Variants in ZNF410 observed in about 807,000 individuals in gnomAD.
ZNF410 encodes the protein another partner for ARF 1.
ZNF410 carries 18 observed loss-of-function variants against 54.8 expected under a neutral mutation model. The ratio of observed to expected loss-of-function variants is 0.33; its 90% CI spans 0.23 to 0.49. The LOEUF is 0.49. Ranked by LOEUF, ZNF410 falls within the 20% of genes least tolerant of loss-of-function variation. The pLI is 0.99. For missense variants in ZNF410, 405 were observed against 569.6 expected, an observed-to-expected ratio of 0.71 and a Z score of 2.94; for synonymous variants, 191 against 207.3, an observed-to-expected ratio of 0.92 and a Z score of 0.68.
intron 4 of ZNF410, 29 bp downstream of exon 4, chr14:73,896,563 T>G (rs1330803527): frequency 6.3e-7 from 1 of 1,581,674 alleles, no homozygotes; most frequent in Non-Finnish European, 8.6e-7. Flanking sequence ...TGGGCTCTGC[T>G]TATGCCTAAG....
intron 5 of ZNF410, among the ~76,000 whole-genome samples, chr14:73,902,659 T>C (rs780025480): frequency 2.6e-5 from 4 of 152,186 alleles, no homozygotes; most frequent in Admixed American, 6.6e-5. Flanking sequence ...CTAAGGTATA[T>C]ATAGTGGAAA....
chr14:73,896,868 A>G (rs2055325552), intron 4 of ZNF410, among the ~76,000 whole-genome samples: 1 of 152,202 alleles, frequency 6.6e-6, no homozygotes. Flanking sequence ...AGTTAGAAAC[A>G]TGAATCCAGA....
intron 7 of ZNF410, among the ~76,000 whole-genome samples, chr14:73,906,740 A>G (rs1370216697): frequency 6.6e-6 from 1 of 152,116 alleles, no homozygotes; most frequent in Admixed American, 6.6e-5. Context: ...TGCCCTCCCA[A>G]AGTGCTGAGA....
intron 7 of ZNF410, among the ~76,000 whole-genome samples, chr14:73,908,756 CT>C (rs1225970619): frequency 6.6e-6 from 1 of 151,956 alleles, no homozygotes; most frequent in South Asian, 2.1e-4. Context: ...CAACGGAGCA[CT>C]TTTTTTTGTA....
intron 11 of ZNF410, chr14:73,924,683 C>CTT (rs71305806): frequency 2.2e-3 from 846 of 385,844 alleles, no homozygotes; most frequent in Admixed American, 6.8e-3. Flanking sequence ...CTTTTCTTTT[C>CTT]TTTTTTTTTT....
At chr14:73,908,201 C>T (rs1242772219) in intron 7 of ZNF410, among the ~76,000 whole-genome samples, 1 of 152,100 alleles carries the variant, frequency 6.6e-6, no homozygotes, top group Non-Finnish European at 1.5e-5. Flanking sequence ...GTCCGTTATC[C>T]CAGTGAAATA....
At chr14:73,920,044 A>G (rs2055733953) in intron 8 of ZNF410, 1 of 151,876 alleles carries the variant, frequency 6.6e-6, no homozygotes, top group Non-Finnish European at 1.5e-5. Flanking sequence ...AGTATTTCAC[A>G]TTTTGCTGCT....
intron 3 of ZNF410, 78 bp downstream of exon 3, chr14:73,894,010 T>C (rs931192668): frequency 6.6e-7 from 1 of 1,504,144 alleles, no homozygotes; most frequent in African/African-American, 1.4e-5. Flanking sequence ...GTGGAATGAA[T>C]ATATCGTTTA....
chr14:73,911,712 G>C (rs1232131108), intron 8 of ZNF410, among the ~76,000 whole-genome samples: 1 of 152,066 alleles, frequency 6.6e-6, no homozygotes, highest in Admixed American at 6.6e-5. Context: ...ACCAATCCAT[G>C]TTCAGTTTTT....
intron 11 of ZNF410, among the ~76,000 whole-genome samples, chr14:73,929,052 AGT>A (rs888929202): frequency 6.6e-6 from 1 of 152,208 alleles, no homozygotes; most frequent in Admixed American, 6.5e-5. Context: ...CAAAAGGGAA[AGT>A]GCTGTCCTGG....
At chr14:73,890,262 C>T (rs2055208325) in intron 1 of ZNF410, among the ~76,000 whole-genome samples, 1 of 151,722 alleles carries the variant, frequency 6.6e-6, no homozygotes, top group Admixed American at 6.6e-5. Context: ...AGTCTCAGCT[C>T]ACTGCAACCT....
intron 8 of ZNF410, chr14:73,909,729 C>G (rs978412465): frequency 4.2e-6 from 1 of 235,692 alleles, no homozygotes; most frequent in Non-Finnish European, 8.3e-6. Context: ...AACATGGACC[C>G]TCTTCTTTAG....
chr14:73,907,576 C>T (rs2055509657), intron 7 of ZNF410, among the ~76,000 whole-genome samples: 1 of 150,974 alleles, frequency 6.6e-6, no homozygotes, highest in Non-Finnish European at 1.5e-5. Context: ...TCCTAGGAGA[C>T]AGAGCGAGAC....
chr14:73,905,462 C>G (rs984878504), intron 7 of ZNF410: 1 of 162,910 alleles, frequency 6.1e-6, no homozygotes, highest in African/African-American at 2.4e-5. Context: ...CATACAGAAC[C>G]TGTTCTAGGC....
At chr14:73,902,941 C>A (rs887907757) in intron 5 of ZNF410, among the ~76,000 whole-genome samples, 4 of 151,394 alleles carry the variant, frequency 2.6e-5, no homozygotes, top group Admixed American at 6.6e-5. Flanking sequence ...TAAAAATCAT[C>A]TGAGTTTTTG....
At chr14:73,907,898 A>G (rs1016052924) in intron 7 of ZNF410, among the ~76,000 whole-genome samples, 5 of 152,152 alleles carry the variant, frequency 3.3e-5, no homozygotes, top group East Asian at 1.9e-4. Context: ...TGTCTTGAAA[A>G]AAAAAAAAAA....
intron 5 of ZNF410, among the ~76,000 whole-genome samples, chr14:73,902,796 T>C (rs1225371771): frequency 3.3e-5 from 5 of 152,206 alleles, no homozygotes; most frequent in Admixed American, 3.3e-4. Flanking sequence ...GGAATTTATA[T>C]AAAAATTTTT....
chr14:73,922,163 C>T lies in ZNF410; in HGVS notation c.1227C>T (p.Ser409=), dbSNP rs1302354807. The change falls in exon 10 of 12, where the codon TCC becomes TCT. Residue 409 remains serine, a synonymous_variant. Coordinates refer to ENST00000555044, the MANE Select transcript of ZNF410 (RefSeq NM_021188.3). ...CCCAGCCCAGCCTTGGTGGAGAGTC[C>T]TTGAACCTACCAAATACCAATTCTA... ...MNSQPSLGGE[S]LNLPNTNSIL... is the part of the protein sequence containing the mutation. The T allele has an allele frequency of 9.9e-6, 16 of 1,614,048 alleles. No individual in the cohort carries two copies. In the East Asian group the frequency reaches 2.9e-4, roughly 29 times the overall value.
chr14:73,921,116 T>G lies in ZNF410; in HGVS notation c.1129+11T>G. On this transcript the variant is annotated intron_variant, in intron 9 of 11. Coordinates refer to ENST00000555044, the MANE Select transcript of ZNF410 (RefSeq NM_021188.3). ...AGCAGGAGCAAACTGGTGAGGAGGGTGGGCATAGTGGAACGCTGTACTACT... is the reference window on the plus strand; with the variant it reads ...AGCAGGAGCAAACTGGTGAGGAGGGGGGGCATAGTGGAACGCTGTACTACT... 2 of 1,613,410 alleles carry G rather than the reference T, an allele frequency of 1.2e-6. No homozygotes were observed. Among genetic ancestry groups the G allele is most frequent in the Non-Finnish European group, 1.7e-6 (2 of 1,179,830 alleles).
Sources: gnomAD v4.1 joint callset for allele counts (sites outside exome capture counted in the v4.1 genomes callset) on GRCh38, gnomAD v4.1.1 for gene constraint, MANE v1.5 for transcripts, NCBI Gene and HGNC (gene_info 2026-07-23, HGNC 2026-07-21) for gene names.